CRIM1: variants seen among roughly 807,000 people sequenced by gnomAD.
CRIM1 encodes the protein cysteine-rich motor neuron 1 protein.
CRIM1 carries 32 observed loss-of-function variants against 116.4 expected under a neutral mutation model. That is an observed-to-expected ratio of 0.27 (90% confidence interval 0.21 to 0.37). CRIM1 has a LOEUF of 0.37. CRIM1 is among the 10% of genes least tolerant of loss of function. The probability of loss-of-function intolerance (pLI) is 1.00; values close to 1 mark genes in which losing one functional copy is unlikely to be tolerated. For synonymous variants in CRIM1, 590 were observed against 509.2 expected (o/e 1.16, Z -2.13); for missense variants, 1,331 against 1,354.8 (o/e 0.98, Z 0.28).
In CRIM1 at chr2:36,404,338, A is replaced by C. The variant is rs113159732; in HGVS notation, c.505+7551A>C. On this transcript the variant is annotated intron_variant, in intron 2 of 16. Transcript: ENST00000280527. ...GTATCTGACTATAGTAGAGCTGGTCAGACCCACACCTGGAATTAGGGCTAG... is the reference window on the plus strand; with the variant it reads ...GTATCTGACTATAGTAGAGCTGGTCCGACCCACACCTGGAATTAGGGCTAG... 2.7e-3 allele frequency among the ~76,000 whole-genome samples: 416 copies of C among 152,356 alleles called. 3 individuals carry two copies. The highest frequency in any genetic ancestry group is 9.4e-3 in the African/African-American group (389 of 41,576).
chr2:36,405,501 T>A (rs890697303), intron 2 of CRIM1, among the ~76,000 whole-genome samples: 1 of 152,204 alleles, frequency 6.6e-6, no homozygotes, highest in African/African-American at 2.4e-5. Flanking sequence ...GAGAGCTTGA[T>A]GGTCACACAG....
intron 4 of CRIM1, among the ~76,000 whole-genome samples, chr2:36,463,668 A>G (rs547079142): frequency 3.7e-4 from 57 of 152,184 alleles, no homozygotes; most frequent in African/African-American, 1.4e-3. Context: ...CTTTCATTGT[A>G]GCAGATGCAA....
chr2:36,542,520 G>A lies in CRIM1; in HGVS notation c.2624-1856G>A, dbSNP rs1667018785. On this transcript the variant is annotated intron_variant, in intron 14 of 16. Coordinates refer to ENST00000280527, the MANE Select transcript of CRIM1 (RefSeq NM_016441.3). The stretch of plus-strand genomic sequence containing the variant: ...CCTCTCACTCAGGAAAAAACCTGAG[G>A]TGGAACTGAATCAATCCCAGCTCTG... Among the ~76,000 whole-genome samples, 6 of 152,196 alleles carry A rather than the reference G, an allele frequency of 3.9e-5. No individual in the cohort carries two copies. The South Asian group carries it at 1.2e-3, about 32-fold the overall frequency.
intron 7 of CRIM1, among the ~76,000 whole-genome samples, chr2:36,498,630 C>T (rs887597386): frequency 6.6e-6 from 1 of 152,168 alleles, no homozygotes; most frequent in Non-Finnish European, 1.5e-5. Flanking sequence ...TCTCCCTCTG[C>T]TCCCACAAGT....
intron 2 of CRIM1, among the ~76,000 whole-genome samples, chr2:36,397,625 G>C (rs1672121454): frequency 6.6e-6 from 1 of 152,086 alleles, no homozygotes; most frequent in Non-Finnish European, 1.5e-5. Flanking sequence ...GGAGTGATTG[G>C]TAATATAATA....
chr2:36,399,330 T>G (rs1672255082), intron 2 of CRIM1, among the ~76,000 whole-genome samples: 1 of 152,138 alleles, frequency 6.6e-6, no homozygotes, highest in African/African-American at 2.4e-5. Flanking sequence ...CAGAGGGAGA[T>G]AATGGCAGTC....
At chr2:36,501,237 A>G (rs1386603229) in intron 8 of CRIM1, among the ~76,000 whole-genome samples, 1 of 152,208 alleles carries the variant, frequency 6.6e-6, no homozygotes, top group Non-Finnish European at 1.5e-5. Context: ...CTTAACGTAG[A>G]CAGATGCTCA....
chr2:36,476,737 T>C, intron 5 of CRIM1, 152 bp from the exon 6 acceptor site: 1 of 642,556 alleles, frequency 1.6e-6, no homozygotes, highest in East Asian at 2.8e-5. Context: ...CACTTTATTG[T>C]TTTCTGTTAC....
chr2:36,440,200 G>A (rs1392789344), intron 2 of CRIM1, among the ~76,000 whole-genome samples: 1 of 152,166 alleles, frequency 6.6e-6, no homozygotes, highest in Non-Finnish European at 1.5e-5. Flanking sequence ...AAGCTCTGGG[G>A]CCTCAGACGT....
At chr2:36,474,435 G>A (rs1678795040) in intron 5 of CRIM1, among the ~76,000 whole-genome samples, 1 of 152,160 alleles carries the variant, frequency 6.6e-6, no homozygotes. Context: ...TTCCTTCTAA[G>A]AGCACTGTAG....
intron 1 of CRIM1, among the ~76,000 whole-genome samples, chr2:36,384,332 A>G (rs1399100870): frequency 6.6e-6 from 1 of 152,168 alleles, no homozygotes; most frequent in Non-Finnish European, 1.5e-5. Flanking sequence ...CACAGGCCTC[A>G]TTTATCAGTG....
Position 36,546,968 on chromosome 2 carries a change from A to C in CRIM1, c.2747-16A>C, listed in dbSNP as rs1172697224. On this transcript the variant is annotated splice_polypyrimidine_tract_variant and intron_variant, in intron 15 of 16. Coordinates refer to ENST00000280527, the MANE Select transcript of CRIM1 (RefSeq NM_016441.3). ...CTGGTTTAGGTAATAAATGCTTATA[A>C]TTTTTTTTCTCCTAGATATGGGTCA... The C allele has an allele frequency of 6.7e-7, 1 of 1,483,198 alleles. No individual in the cohort carries two copies. The allele number at this position is 1,483,198 out of a possible 1,614,324, so 91.9% of individuals were successfully genotyped here.
chr2:36,529,790 A>G lies in CRIM1; in HGVS notation c.2428+7477A>G, dbSNP rs528418402. ...GACTTGGAAGCCTGAGCAATCACCTATTTCTTTCTAGTATGTTGAAGAAAT... is the reference window on the plus strand; with the variant it reads ...GACTTGGAAGCCTGAGCAATCACCTGTTTCTTTCTAGTATGTTGAAGAAAT... On this transcript the variant is annotated intron_variant, in intron 13 of 16. Coordinates refer to ENST00000280527, the MANE Select transcript of CRIM1 (RefSeq NM_016441.3). 5.9e-5 allele frequency among the ~76,000 whole-genome samples: 9 copies of G among 152,296 alleles called. No homozygotes were observed. In the South Asian group the frequency reaches 1.0e-3, roughly 18 times the overall value.
chr2:36,388,837 T>C (rs1671365208), intron 1 of CRIM1, among the ~76,000 whole-genome samples: 1 of 152,226 alleles, frequency 6.6e-6, no homozygotes, highest in African/African-American at 2.4e-5. Flanking sequence ...TGATGAAAAG[T>C]ACAGCAATGG....
chr2:36,538,470 T>A (rs1211013026), intron 14 of CRIM1, among the ~76,000 whole-genome samples: 5 of 152,190 alleles, frequency 3.3e-5, no homozygotes, highest in African/African-American at 4.8e-5. Context: ...CTCGCAGCAT[T>A]ATATTAGAGA....
chr2:36,469,703 T>C (rs866340026), intron 5 of CRIM1, among the ~76,000 whole-genome samples: 2 of 152,330 alleles, frequency 1.3e-5, no homozygotes, highest in Middle Eastern at 6.8e-3. Flanking sequence ...ATAGCAATTA[T>C]GCTCATAATG....
intron 8 of CRIM1, among the ~76,000 whole-genome samples, chr2:36,499,977 A>G (rs766978531): frequency 7.9e-5 from 12 of 152,114 alleles, no homozygotes; most frequent in Non-Finnish European, 1.6e-4. Context: ...GATCTTTACC[A>G]TCATTTGACA....
chr2:36,465,978 C>A (rs1325024480), intron 5 of CRIM1, among the ~76,000 whole-genome samples: 1 of 151,856 alleles, frequency 6.6e-6, no homozygotes, highest in East Asian at 1.9e-4. Context: ...CTCTGCCTCC[C>A]AGGTTCACGC....
At chr2:36,524,714 A>G (rs542570032) in intron 13 of CRIM1, among the ~76,000 whole-genome samples, 1 of 152,364 alleles carries the variant, frequency 6.6e-6, no homozygotes, top group African/African-American at 2.4e-5. Flanking sequence ...ATTTGTTTTC[A>G]TGTGATAGTA....
Sources: gnomAD v4.1 joint callset for allele counts (sites outside exome capture counted in the v4.1 genomes callset) on GRCh38, gnomAD v4.1.1 for gene constraint, MANE v1.5 for transcripts, NCBI Gene and HGNC (gene_info 2026-07-23, HGNC 2026-07-21) for gene names.